HSF1: variants seen among roughly 807,000 people sequenced by gnomAD.
HSF1 encodes heat shock transcription factor 1.
A neutral mutation model predicts 51.7 loss-of-function variants in HSF1; 32 were observed. The observed-to-expected ratio is 0.62, with a 90% CI of 0.47 to 0.83. The LOEUF (loss-of-function observed/expected upper bound fraction) is 0.83. Ranked by LOEUF, HSF1 falls within the 40% of genes least tolerant of loss-of-function variation. HSF1 has a pLI of 0.00. For synonymous variants in HSF1, 396 were observed against 309.7 expected (o/e 1.28, Z -2.92); for missense variants, 727 against 717.0 (o/e 1.01, Z -0.16).
At chr8:144,293,060 C>T (rs1554840674) in intron 1 of HSF1, among the ~76,000 whole-genome samples, 1 of 152,238 alleles carries the variant, frequency 6.6e-6, no homozygotes, top group African/African-American at 2.4e-5. Context: ...GGAGCTAAGA[C>T]CCCAGAGTTC....
rs1252001981 is a variant in HSF1, at chr8:144,309,318, C to T, written c.227-137C>T. ...CTTAGACCAAGGCCACTCGGCCACC[C>T]AGGCATGGGCTCTGAGGGGGCAGGG... On this transcript the variant is annotated intron_variant, in intron 2 of 12. Coordinates refer to ENST00000528838, the MANE Select transcript of HSF1 (RefSeq NM_005526.4). 32 of 1,262,848 alleles carry T rather than the reference C, an allele frequency of 2.5e-5. No homozygotes were observed. The Admixed American group carries it at 6.9e-4, about 27-fold the overall frequency. 78.2% of individuals were successfully genotyped at this position (1,262,848 alleles called of 1,614,324 possible). A position where few individuals can be genotyped will look rare whatever the true frequency, so the allele number is the denominator to read the frequency against.
At position 144,291,923 on chromosome 8, in the gene HSF1, G is replaced by C; in HGVS notation, c.117+49G>C. ...GGCCCGTGGGGACCGGGAGGGAGCA[G>C]GGCCGCGGCGGACGGCGCGGGAGGG... On this transcript the variant is annotated intron_variant, in intron 1 of 12. Transcript: ENST00000528838. This position sits in a 1 kb window ranked among gnomAD's most constrained non-coding sequence, Gnocchi z 4.1. The C allele has an allele frequency of 9.4e-7, 1 of 1,061,122 alleles. No individual in the cohort carries two copies. The highest frequency in any genetic ancestry group is 1.7e-5 in the African/African-American group (1 of 59,112). The allele number at this position is 1,061,122 out of a possible 1,614,324, so 65.7% of individuals were successfully genotyped here. A position where few individuals can be genotyped will look rare whatever the true frequency, so the allele number is the denominator to read the frequency against.
Position 144,291,916 on chromosome 8 carries a change from G to A in HSF1, c.117+42G>A, listed in dbSNP as rs941499686. On this transcript the variant is annotated intron_variant, in intron 1 of 12. Coordinates refer to ENST00000528838, the MANE Select transcript of HSF1 (RefSeq NM_005526.4). This position sits in a 1 kb window ranked among gnomAD's most constrained non-coding sequence, Gnocchi z 4.1. ...GGCGCGGGGCCCGTGGGGACCGGGA[G>A]GGAGCAGGGCCGCGGCGGACGGCGC... 5 of 1,183,738 alleles carry A rather than the reference G, an allele frequency of 4.2e-6. No homozygotes were observed. Among genetic ancestry groups the A allele is most frequent in the South Asian group, 3.2e-5 (2 of 61,818 alleles). 73.3% of individuals were successfully genotyped at this position (1,183,738 alleles called of 1,614,324 possible). A position where few individuals can be genotyped will look rare whatever the true frequency, so the allele number is the denominator to read the frequency against.
intron 1 of HSF1, among the ~76,000 whole-genome samples, chr8:144,303,646 G>T (rs1346089565): frequency 6.6e-6 from 1 of 152,166 alleles, no homozygotes; most frequent in Non-Finnish European, 1.5e-5. Flanking sequence ...GGGAAGCCAA[G>T]GTGGGTGGAT....
chr8:144,296,783 G>A (rs553757233), intron 1 of HSF1, among the ~76,000 whole-genome samples: 2 of 149,374 alleles, frequency 1.3e-5, no homozygotes, highest in South Asian at 4.3e-4. Flanking sequence ...CTCCAGCCTG[G>A]GTGACAGAGC....
Position 144,312,262 on chromosome 8 carries a change from CT to C in HSF1, c.1142+19del. The C allele has an allele frequency of 6.4e-7, 1 of 1,555,286 alleles. No homozygotes were observed. Among genetic ancestry groups the C allele is most frequent in the Non-Finnish European group, 8.7e-7 (1 of 1,147,010 alleles). On this transcript the variant is annotated intron_variant, in intron 9 of 12. Transcript: ENST00000528838. ...CTGGACAAGTGAGTGCCGCCCACCC[CT>C]GGCCCCACCCACAGCGCCTGGACGC...
intron 9 of HSF1, chr8:144,312,798 C>T (rs757419078): frequency 5.9e-5 from 73 of 1,239,354 alleles, no homozygotes; most frequent in Non-Finnish European, 7.4e-5. Flanking sequence ...CCAGCCTGGC[C>T]GGGCATGAGC....
intron 1 of HSF1, among the ~76,000 whole-genome samples, chr8:144,302,336 G>A (rs536284338): frequency 4.7e-5 from 7 of 150,212 alleles, no homozygotes; most frequent in East Asian, 2.0e-4. Flanking sequence ...GTGAAACCCC[G>A]TCTCTACTGA....
chr8:144,309,982 C>A, intron 4 of HSF1, 86 bp downstream of exon 4: 3 of 1,491,986 alleles, frequency 2.0e-6, no homozygotes, highest in South Asian at 2.5e-5. Context: ...GGGCCCTGAC[C>A]GGGGCCAGGT....
intron 1 of HSF1, among the ~76,000 whole-genome samples, chr8:144,306,102 A>G (rs1221295067): frequency 1.3e-5 from 2 of 152,038 alleles, no homozygotes; most frequent in Admixed American, 1.3e-4. Flanking sequence ...GCTTCTTTAC[A>G]ATTTTTATCT....
chr8:144,309,161 G>A, intron 2 of HSF1, 147 bp downstream of exon 2: 2 of 708,692 alleles, frequency 2.8e-6, no homozygotes, highest in Non-Finnish European at 4.8e-6. Flanking sequence ...GGGGGCCGGG[G>A]AGCAGCCGCC....
At chr8:144,298,023 GC>G (rs1305138332) in intron 1 of HSF1, among the ~76,000 whole-genome samples, 9 of 152,216 alleles carry the variant, frequency 5.9e-5, no homozygotes, top group Admixed American at 3.9e-4. Context: ...ACACTTCTCA[GC>G]GTGTGGCATC....
At chr8:144,308,275 G>A (rs1399864807) in intron 1 of HSF1, among the ~76,000 whole-genome samples, 1 of 152,236 alleles carries the variant, frequency 6.6e-6, no homozygotes, top group Non-Finnish European at 1.5e-5. Flanking sequence ...CGCGGCCACG[G>A]CCAACAGGGA....
chr8:144,312,047 C>G lies in HSF1; in HGVS notation c.945C>G (p.Pro315=). The change falls in exon 9 of 13, where the codon CCC becomes CCG. Residue 315 remains proline (P), a synonymous_variant. Coordinates refer to ENST00000528838, the MANE Select transcript of HSF1 (RefSeq NM_005526.4). ...PQSPRVEEAS[P]GRPSSVDTLL... is the part of the protein sequence containing the mutation. ...GCCCCCGGGTAGAGGAGGCGAGTCCCGGGCGCCCATCTTCCGTGGACACCC... is the reference window on the plus strand; with the variant it reads ...GCCCCCGGGTAGAGGAGGCGAGTCCGGGGCGCCCATCTTCCGTGGACACCC... 1 of 1,611,648 alleles carries G rather than the reference C, an allele frequency of 6.2e-7. No individual in the cohort carries two copies. The highest frequency in any genetic ancestry group is 8.5e-7 in the Non-Finnish European group (1 of 1,179,476).
At chr8:144,307,467 C>T (rs1816298043) in intron 1 of HSF1, among the ~76,000 whole-genome samples, 2 of 152,256 alleles carry the variant, frequency 1.3e-5, no homozygotes, top group Admixed American at 1.3e-4. Context: ...TGGCTGGGCA[C>T]AGAGGCTCAC....
At position 144,311,728 on chromosome 8, in the gene HSF1, G is replaced by C. The variant is rs781929474; in HGVS notation, c.752G>C (p.Ser251Thr). The C allele has an allele frequency of 6.2e-6, 10 of 1,612,450 alleles. No individual in the cohort carries two copies. In the East Asian group the frequency reaches 2.0e-4, roughly 32 times the overall value. ...CCCTCCCCAGCCTACAGCAGCTCCA[G>C]CCTCTACGCCCCTGATGCTGTGGCC... ...SAPSPAYSSS[S>T]LYAPDAVASS... The change falls in exon 8 of 13, where the codon AGC becomes ACC. Residue 251 changes from serine to threonine, a missense_variant. Physicochemically the swap from Ser to Thr is moderately conservative, Grantham distance 58. Coordinates refer to ENST00000528838, the MANE Select transcript of HSF1 (RefSeq NM_005526.4).
At chr8:144,296,370 G>T (rs571553605) in intron 1 of HSF1, among the ~76,000 whole-genome samples, 1 of 152,316 alleles carries the variant, frequency 6.6e-6, no homozygotes, top group African/African-American at 2.4e-5. Context: ...AGGCCCACTG[G>T]CCCCACCCTG....
In HSF1 at chr8:144,311,822, G is replaced by A. The variant is rs781935054; in HGVS notation, c.846G>A (p.Gly282=). The A allele has an allele frequency of 5.6e-6, 9 of 1,606,946 alleles. No homozygotes were observed. Among genetic ancestry groups the A allele is most frequent in the Non-Finnish European group, 7.6e-6 (9 of 1,177,172 alleles). Residue 282 remains glycine, a synonymous_variant, in exon 8 of 13, where the codon GGG becomes GGA. Coordinates refer to ENST00000528838, the MANE Select transcript of HSF1 (RefSeq NM_005526.4). ...APASPMASPG[G]SIDERPLSSS... ...CCAGCCCCATGGCCTCCCCCGGCGG[G>A]AGCATAGACGAGAGGTGGGGGCCGC...
At position 144,297,634 on chromosome 8, in the gene HSF1, C is replaced by T. The variant is rs995255167; in HGVS notation, c.117+5760C>T. ...TGCCCTGACTCCGGTGGTCCCTGCT[C>T]CCCACACGTGGGCCACAGCTACTCA... On this transcript the variant is annotated intron_variant, in intron 1 of 12. Coordinates refer to ENST00000528838, the MANE Select transcript of HSF1 (RefSeq NM_005526.4). This position sits in a 1 kb window ranked among gnomAD's most constrained non-coding sequence, Gnocchi z 4.6. 6.6e-6 allele frequency among the ~76,000 whole-genome samples: 1 copy of T among 152,134 alleles called. No individual in the cohort carries two copies. The highest frequency in any genetic ancestry group is 6.5e-5 in the Admixed American group (1 of 15,272).
Sources: gnomAD v4.1 joint callset for allele counts (sites outside exome capture counted in the v4.1 genomes callset) on GRCh38, gnomAD v4.1.1 for gene constraint, Gnocchi (gnomAD v3.1) non-coding constraint, MANE v1.5 for transcripts, NCBI Gene and HGNC (gene_info 2026-07-23, HGNC 2026-07-21) for gene names.